Variants in ALKBH7 observed in about 807,000 individuals in gnomAD.
ALKBH7 encodes the protein alkB homolog 7, RNA demethylase.
ALKBH7 carries 21 observed loss-of-function variants against 19.3 expected under a neutral mutation model. The observed-to-expected ratio is 1.09, with a 90% confidence interval of 0.77 to 1.56. The LOEUF is 1.56. ALKBH7 is among the 40% of genes most tolerant of loss of function. The probability of loss-of-function intolerance (pLI) is 0.00; values close to 1 mark genes in which losing one functional copy is unlikely to be tolerated. For missense variants in ALKBH7, 354 were observed against 311.4 expected (o/e 1.14, Z -1.03); for synonymous variants, 147 against 139.5 (o/e 1.05, Z -0.38).
chr19:6,374,951 G>A lies in ALKBH7; in HGVS notation c.644G>A (p.Gly215Glu). The change falls in exon 4 of 4, where the codon GGA becomes GAA. Residue 215 changes from glycine to glutamate, a missense_variant. By Grantham distance (98) the Gly-to-Glu change is moderately conservative. Coordinates refer to ENST00000245812, the MANE Select transcript of ALKBH7 (RefSeq NM_032306.4). The part of the protein sequence containing the change: ...LPEGMGPGES[G>E]QPPPAC ...GAGGGCATGGGGCCAGGGGAGTCTG[G>A]ACAGCCGCCCCCAGCCTGCTGACCC... 2 of 1,604,790 alleles carry A rather than the reference G, an allele frequency of 1.2e-6. No homozygotes were observed. Among genetic ancestry groups the A allele is most frequent in the Admixed American group, 3.4e-5 (2 of 59,568 alleles).
rs1222635055 is a variant in ALKBH7, at chr19:6,372,851, A to G, written c.31A>G (p.Thr11Ala). 2 of 1,548,568 alleles carry G rather than the reference A, an allele frequency of 1.3e-6. No individual in the cohort carries two copies. Among genetic ancestry groups the G allele is most frequent in the Admixed American group, 1.9e-5 (1 of 51,648 alleles). The change falls in exon 1 of 4, where the codon ACG becomes GCG. Residue 11 changes from threonine (T) to alanine (A), a missense_variant. By Grantham distance (58) the Thr-to-Ala change is moderately conservative. Coordinates refer to ENST00000245812, the MANE Select transcript of ALKBH7 (RefSeq NM_032306.4). MAGTGLLALR[T>A]LPGPSWVRGS... ...CGGGACTGGGCTGCTGGCGCTGCGGACGCTGCCAGGGCCCAGCTGGGTGCG... is the reference window on the plus strand; with the variant it reads ...CGGGACTGGGCTGCTGGCGCTGCGGGCGCTGCCAGGGCCCAGCTGGGTGCG...
chr19:6,375,123 C>A lies in ALKBH7; in HGVS notation c.*150C>A, dbSNP rs2091915327. 1 of 1,312,044 alleles carries A rather than the reference C, an allele frequency of 7.6e-7. No individual in the cohort carries two copies. The highest frequency in any genetic ancestry group is 3.0e-5 in the Admixed American group (1 of 33,564). The allele number at this position is 1,312,044 out of a possible 1,614,324, so 81.3% of individuals were successfully genotyped here. ...CATAGGGAGCTCCAGGTGTGGCTGG[C>A]TGGACACATGGTCAAAGTCACAAGG... On this transcript the variant is annotated 3_prime_UTR_variant, in exon 4 of 4. Transcript: ENST00000245812.
chr19:6,374,423 G>A (rs2145063020), intron 2 of ALKBH7, 42 bp from the exon 3 acceptor site: 6 of 1,606,650 alleles, frequency 3.7e-6, no homozygotes, highest in Non-Finnish European at 5.1e-6. Context: ...GGGGTAGGCA[G>A]GCCCGGTTAG....
rs917982690 is a variant in ALKBH7, at chr19:6,375,203, C to T, written c.*230C>T. On this transcript the variant is annotated 3_prime_UTR_variant, in exon 4 of 4. Transcript: ENST00000245812. ...ACTGCTGGTCGCCCCAGCCCACTCCCCTCCTCGTTGTCTCTGCATCCAGGT... is the reference window on the plus strand; with the variant it reads ...ACTGCTGGTCGCCCCAGCCCACTCCTCTCCTCGTTGTCTCTGCATCCAGGT... 3.7e-6 allele frequency: 5 copies of T among 1,352,122 alleles called. No individual in the cohort carries two copies. Among genetic ancestry groups the T allele is most frequent in the South Asian group, 1.7e-5 (1 of 59,734 alleles). The allele number at this position is 1,352,122 out of a possible 1,614,324, so 83.8% of individuals were successfully genotyped here.
intron 1 of ALKBH7, 34 bp downstream of exon 1, chr19:6,373,058 G>C: frequency 1.3e-6 from 2 of 1,535,940 alleles, no homozygotes; most frequent in Non-Finnish European, 1.7e-6. Context: ...GAGGGACGGG[G>C]GCTCGTCGGG....
At chr19:6,373,853 A>C (rs2091906084) in intron 1 of ALKBH7, 1 of 1,310,326 alleles carries the variant, frequency 7.6e-7, no homozygotes, top group South Asian at 2.3e-5. Context: ...CAGGGAGAGC[A>C]CTTTTGCGAC....
Position 6,375,005 on chromosome 19 carries a change from A to C in ALKBH7, c.*32A>C, listed in dbSNP as rs775360205. 1.3e-6 allele frequency: 2 copies of C among 1,555,712 alleles called. No homozygotes were observed. Among genetic ancestry groups the C allele is most frequent in the East Asian group, 4.5e-5 (2 of 44,044 alleles). ...GCTTTCTACAGACACCAGATTTGTG[A>C]ATAAAGTTGGGGAATGGACAGCCTA... On this transcript the variant is annotated 3_prime_UTR_variant, in exon 4 of 4. Transcript: ENST00000245812.
rs753080032 is a variant in ALKBH7 at position 6,374,224 on chromosome 19, A to G, written c.226A>G (p.Thr76Ala). Residue 76 changes from threonine (T) to alanine (A), a missense_variant, in exon 2 of 4, where the codon ACA becomes GCA. Physicochemically the swap from Thr to Ala is moderately conservative, Grantham distance 58. Transcript: ENST00000245812. Reference protein sequence around the residue: ...WDAAIHGFRETEKSRWSEASR... With the variant: ...WDAAIHGFREAEKSRWSEASR... ...GCAGGCCATCCACGGCTTCCGAGAGACAGAGAAGTCGCGCTGGTCAGAAGC... is the reference window on the plus strand; with the variant it reads ...GCAGGCCATCCACGGCTTCCGAGAGGCAGAGAAGTCGCGCTGGTCAGAAGC... 1.7e-5 allele frequency: 28 copies of G among 1,612,832 alleles called. No homozygotes were observed. The Admixed American group carries it at 4.7e-4, about 27-fold the overall frequency.
chr19:6,374,231 A>C lies in ALKBH7; in HGVS notation c.233A>C (p.Lys78Thr), dbSNP rs778236986. The change falls in exon 2 of 4, where the codon AAG (lysine) becomes ACG (threonine). Residue 78 changes from lysine (K) to threonine (T), a missense_variant. Coordinates refer to ENST00000245812, the MANE Select transcript of ALKBH7 (RefSeq NM_032306.4). ...ATCCACGGCTTCCGAGAGACAGAGAAGTCGCGCTGGTCAGAAGCCAGCCGG... is the reference window on the plus strand; with the variant it reads ...ATCCACGGCTTCCGAGAGACAGAGACGTCGCGCTGGTCAGAAGCCAGCCGG... ...AAIHGFRETE[K>T]SRWSEASRAI... The C allele has an allele frequency of 8.7e-6, 14 of 1,613,026 alleles. No homozygotes were observed. The African/African-American group carries it at 1.6e-4, about 18-fold the overall frequency.
chr19:6,375,012 T>C lies in ALKBH7; in HGVS notation c.*39T>C, dbSNP rs753685676. 21 of 1,548,504 alleles carry C rather than the reference T, an allele frequency of 1.4e-5. No individual in the cohort carries two copies. Among genetic ancestry groups the C allele is most frequent in the Non-Finnish European group, 1.7e-5 (19 of 1,148,154 alleles). ...ACAGACACCAGATTTGTGAATAAAG[T>C]TGGGGAATGGACAGCCTAACTGGGA... On this transcript the variant is annotated 3_prime_UTR_variant, in exon 4 of 4. Transcript: ENST00000245812.
Position 6,374,842 on chromosome 19 carries a change from A to C in ALKBH7, c.535A>C (p.Ile179Leu). 6.2e-7 allele frequency: 1 copy of C among 1,613,740 alleles called. No individual in the cohort carries two copies. The highest frequency in any genetic ancestry group is 8.5e-7 in the Non-Finnish European group (1 of 1,179,778). ...GSARYDFSHE[I>L]LRDEESFFGE... The stretch of plus-strand genomic sequence containing the variant: ...AGCCCGTTATGACTTCTCCCATGAG[A>C]TCCTTCGGGATGAAGAGTCCTTCTT... Residue 179 changes from isoleucine (I) to leucine (L), a missense_variant, in exon 4 of 4, where the codon ATC (isoleucine) becomes CTC (leucine). Physicochemically the swap from Ile to Leu is conservative, Grantham distance 5. Coordinates refer to ENST00000245812, the MANE Select transcript of ALKBH7 (RefSeq NM_032306.4).
In ALKBH7 at chr19:6,374,215, T is replaced by G. The variant is rs150380226; in HGVS notation, c.217T>G (p.Phe73Val). 4 of 1,612,936 alleles carry G rather than the reference T, an allele frequency of 2.5e-6. No individual in the cohort carries two copies. The African/African-American group carries it at 5.3e-5, about 22-fold the overall frequency. ...YDHWDAAIHG[F>V]RETEKSRWSE... ...GCTCTCTGTGCAGGCCATCCACGGC[T>G]TCCGAGAGACAGAGAAGTCGCGCTG... Residue 73 changes from phenylalanine to valine, a missense_variant, in exon 2 of 4, where the codon TTC becomes GTC. Physicochemically the swap from Phe to Val is conservative, Grantham distance 50 (BLOSUM62 -1). Coordinates refer to ENST00000245812, the MANE Select transcript of ALKBH7 (RefSeq NM_032306.4).
chr19:6,373,656 A>C lies in ALKBH7; in HGVS notation c.205-547A>C, dbSNP rs969249844. ...GGGCCATGCTGTGGGGGGGACGGGGAAGTCGAGGTTTAGAGAGGGCAGAAC... is the reference window on the plus strand; with the variant it reads ...GGGCCATGCTGTGGGGGGGACGGGGCAGTCGAGGTTTAGAGAGGGCAGAAC... On this transcript the variant is annotated intron_variant, in intron 1 of 3. Coordinates refer to ENST00000245812, the MANE Select transcript of ALKBH7 (RefSeq NM_032306.4). 7.3e-6 allele frequency: 9 copies of C among 1,239,438 alleles called. No homozygotes were observed. In the African/African-American group the frequency reaches 1.3e-4, roughly 18 times the overall value. 76.8% of individuals were successfully genotyped at this position (1,239,438 alleles called of 1,614,324 possible).
chr19:6,374,808 C>T lies in ALKBH7; in HGVS notation c.504-3C>T. 1 of 1,608,642 alleles carries T rather than the reference C, an allele frequency of 6.2e-7. No homozygotes were observed. Among genetic ancestry groups the T allele is most frequent in the Non-Finnish European group, 8.5e-7 (1 of 1,175,734 alleles). Reference sequence around the variant, plus strand: ...CCCAGTCACAGCCTGTTTCTTCCTGCAGGGGCTCAGCCCGTTATGACTTCT... The same window carrying T: ...CCCAGTCACAGCCTGTTTCTTCCTGTAGGGGCTCAGCCCGTTATGACTTCT... On this transcript the variant is annotated splice_region_variant and splice_polypyrimidine_tract_variant and intron_variant, in intron 3 of 3. Transcript: ENST00000245812.
In ALKBH7 at chr19:6,374,911, T is replaced by TGCC. The variant is rs1358218217; in HGVS notation, c.607_609dup (p.Arg203dup). Reference sequence around the variant, plus strand: ...CCGGGGCCGGCGCATCTCCGTGATCTGCCGCTCCCTCCCTGAGGGCATGGG... The same window carrying TGCC: ...CCGGGGCCGGCGCATCTCCGTGATCTGCCGCCGCTCCCTCCCTGAGGGCATGGG... On this transcript the variant is annotated inframe_insertion, in exon 4 of 4. Transcript: ENST00000245812. The TGCC allele has an allele frequency of 6.2e-7, 1 of 1,613,942 alleles. No homozygotes were observed. Among genetic ancestry groups the TGCC allele is most frequent in the Non-Finnish European group, 8.5e-7 (1 of 1,179,940 alleles).
chr19:6,374,048 G>T (rs1020669678), intron 1 of ALKBH7, 155 bp from the exon 2 acceptor site: 2 of 985,132 alleles, frequency 2.0e-6, no homozygotes, highest in Admixed American at 1.2e-4. Flanking sequence ...TCACACCTAG[G>T]TAGGGCCATA....
rs112405925 is a variant in ALKBH7 at position 6,374,592 on chromosome 19, A to G, written c.503+3A>G. On this transcript the variant is annotated splice_donor_region_variant and intron_variant, in intron 3 of 3. Coordinates refer to ENST00000245812, the MANE Select transcript of ALKBH7 (RefSeq NM_032306.4). ...CCGGGCTCCCTCTACATCCTTAGGTACCTCCATCCAGGCAGCACCCACCCC... is the reference window on the plus strand; with the variant it reads ...CCGGGCTCCCTCTACATCCTTAGGTGCCTCCATCCAGGCAGCACCCACCCC... 6.2e-7 allele frequency: 1 copy of G among 1,612,444 alleles called. No homozygotes were observed.
Position 6,375,139 on chromosome 19 carries a change from A to G in ALKBH7, c.*166A>G. On this transcript the variant is annotated 3_prime_UTR_variant, in exon 4 of 4. Coordinates refer to ENST00000245812, the MANE Select transcript of ALKBH7 (RefSeq NM_032306.4). The stretch of plus-strand genomic sequence containing the variant: ...TGTGGCTGGCTGGACACATGGTCAA[A>G]GTCACAAGGCCGGGAGAGTGGTGTC... 2.3e-6 allele frequency: 3 copies of G among 1,295,918 alleles called. No individual in the cohort carries two copies. In the South Asian group the frequency reaches 4.9e-5, roughly 21 times the overall value. The allele number at this position is 1,295,918 out of a possible 1,614,324, so 80.3% of individuals were successfully genotyped here.
intron 1 of ALKBH7, chr19:6,373,655 G>A: frequency 1.6e-6 from 2 of 1,248,144 alleles, no homozygotes; most frequent in African/African-American, 1.6e-5. Context: ...GGGGGACGGG[G>A]AAGTCGAGGT....
Sources: gnomAD v4.1 joint callset for allele counts on GRCh38, gnomAD v4.1.1 for gene constraint, MANE v1.5 for transcripts, NCBI Gene and HGNC (gene_info 2026-07-23, HGNC 2026-07-21) for gene names.